Variants in PCDHGA2 observed in about 807,000 individuals in gnomAD.
PCDHGA2 encodes the protein protocadherin gamma subfamily A, 2, also known as protocadherin gamma-A2.
A neutral mutation model predicts 59.2 loss-of-function variants in PCDHGA2; 40 were observed. The observed-to-expected ratio is 0.68, with a 90% CI of 0.52 to 0.88. The LOEUF (loss-of-function observed/expected upper bound fraction) is 0.88, where lower values mean the gene tolerates loss of function less well. Ranked by LOEUF, PCDHGA2 falls within the 40% of genes least tolerant of loss-of-function variation. The pLI, the probability that PCDHGA2 is intolerant of heterozygous loss-of-function variation, is 0.00. For synonymous variants in PCDHGA2, 560 were observed against 526.0 expected (o/e 1.06, Z -0.89); for missense variants, 1,226 against 1,204.0 (o/e 1.02, Z -0.27).
chr5:141,497,614 A>G (rs1377740795), intron 2 of PCDHGA2, among the ~76,000 whole-genome samples: 1 of 146,530 alleles, frequency 6.8e-6, no homozygotes, highest in Admixed American at 7.0e-5. Context: ...ATCTTGGCTC[A>G]CTGCAACCTC....
chr5:141,352,225 G>C (rs1169707828), intron 1 of PCDHGA2: 1 of 1,614,064 alleles, frequency 6.2e-7, no homozygotes, highest in South Asian at 1.1e-5. Context: ...CCACCGCCAC[G>C]CTGCACCTAA....
intron 1 of PCDHGA2, chr5:141,428,402 G>T (rs899477196): frequency 1.7e-5 from 8 of 479,776 alleles, no homozygotes; most frequent in African/African-American, 1.4e-4. Flanking sequence ...TCTGCCTGGG[G>T]TTGCTTTCAC....
rs375516156 is a variant in PCDHGA2 at position 141,510,311 on chromosome 5, C to G, written c.2573-636C>G. Among the ~76,000 whole-genome samples, 70 of 151,056 alleles carry G rather than the reference C, an allele frequency of 4.6e-4. No homozygotes were observed. The South Asian group carries it at 0.014, about 31-fold the overall frequency. On this transcript the variant is annotated intron_variant, in intron 3 of 3. Transcript: ENST00000394576. The stretch of plus-strand genomic sequence containing the variant: ...AAAAAATGCTGTTTTGAAATGGAGG[C>G]TTGGAAGAGCACTCTTCACCCCCAC...
rs530139788 is a variant in PCDHGA2, at chr5:141,509,165, C to A, written c.2573-1782C>A. On this transcript the variant is annotated intron_variant, in intron 3 of 3. Coordinates refer to ENST00000394576, the MANE Select transcript of PCDHGA2 (RefSeq NM_018915.4). ...TCCCGGCTCTCCCCTCCCGTGTGCC[C>A]TCCTCCTCTTATGCCGGCTTGAAAA... Among the ~76,000 whole-genome samples the A allele has an allele frequency of 1.4e-4, 21 of 152,332 alleles. No individual in the cohort carries two copies. In the South Asian group the frequency reaches 4.1e-3, roughly 30 times the overall value.
chr5:141,479,329 G>A (rs2099493017), intron 1 of PCDHGA2: 1 of 152,490 alleles, frequency 6.6e-6, no homozygotes, highest in African/African-American at 2.4e-5. Context: ...AGACTCAGTG[G>A]TGTGCACCTG....
rs549557253 is a variant in PCDHGA2 at position 141,503,310 on chromosome 5, T to C, written c.2484-2083T>C. 2.6e-5 allele frequency among the ~76,000 whole-genome samples: 4 copies of C among 152,176 alleles called. No homozygotes were observed. The East Asian group carries it at 7.7e-4, about 29-fold the overall frequency. On this transcript the variant is annotated intron_variant, in intron 2 of 3. Coordinates refer to ENST00000394576, the MANE Select transcript of PCDHGA2 (RefSeq NM_018915.4). ...TACATAGAAATTGCTCAAGAAAGAA[T>C]TGTTGGAGGGGCGCGGTGGCTCACG...
chr5:141,448,426 T>C (rs892222815), intron 1 of PCDHGA2, among the ~76,000 whole-genome samples: 1 of 152,164 alleles, frequency 6.6e-6, no homozygotes, highest in Non-Finnish European at 1.5e-5. Context: ...ATACTATGTA[T>C]ATATTGAGAA....
At chr5:141,345,240 C>T (rs757266874) in intron 1 of PCDHGA2, 6 of 1,613,806 alleles carry the variant, frequency 3.7e-6, no homozygotes, top group African/African-American at 1.3e-5. Context: ...TCAATATTAC[C>T]GCTTAGTGAC....
In PCDHGA2 at chr5:141,491,158, GA is replaced by G; in HGVS notation, c.2425-3648del. On this transcript the variant is annotated intron_variant, in intron 1 of 3. Transcript: ENST00000394576. This position sits in a 1 kb window ranked among gnomAD's most constrained non-coding sequence, Gnocchi z 6.9. ...CCGGGCCTTACTGGAGGATGACTCT[GA>G]CACCCAGCAGGTGGTGGTCCTGGTG... 6.2e-7 allele frequency: 1 copy of G among 1,614,130 alleles called. No homozygotes were observed. The highest frequency in any genetic ancestry group is 8.5e-7 in the Non-Finnish European group (1 of 1,179,972).
At chr5:141,357,705 A>G (rs758183715) in intron 1 of PCDHGA2, 18 of 1,494,178 alleles carry the variant, frequency 1.2e-5, no homozygotes, top group Non-Finnish European at 1.6e-5. Flanking sequence ...TATGTAATAT[A>G]TCAAATAAAG....
At chr5:141,500,223 T>TTG (rs1227708024) in intron 2 of PCDHGA2, among the ~76,000 whole-genome samples, 1 of 145,320 alleles carries the variant, frequency 6.9e-6, no homozygotes, top group Non-Finnish European at 1.5e-5. Flanking sequence ...TTTATTTATT[T>TTG]ATTGATACGT....
At chr5:141,369,119 A>C (rs1265778026) in intron 1 of PCDHGA2, among the ~76,000 whole-genome samples, 2 of 152,206 alleles carry the variant, frequency 1.3e-5, no homozygotes, top group Non-Finnish European at 2.9e-5. Flanking sequence ...ACTGTAAGAC[A>C]CCTGTCAGAA....
chr5:141,405,141 A>T (rs749502643), intron 1 of PCDHGA2: 4 of 1,613,862 alleles, frequency 2.5e-6, no homozygotes, highest in African/African-American at 1.3e-5. Flanking sequence ...GCTACCAGTG[A>T]TGGGTTGGCT....
intron 1 of PCDHGA2, chr5:141,371,724 G>A (rs747047802): frequency 1.2e-6 from 2 of 1,614,056 alleles, no homozygotes; most frequent in South Asian, 2.2e-5. Flanking sequence ...GCACATCCTT[G>A]ATGTCAACGA....
intron 1 of PCDHGA2, among the ~76,000 whole-genome samples, chr5:141,435,604 A>T (rs1361568996): frequency 6.6e-6 from 1 of 152,180 alleles, no homozygotes. Flanking sequence ...CCTGCTTTTT[A>T]CATTAAATTC....
chr5:141,413,953 C>A, intron 1 of PCDHGA2: 1 of 1,613,310 alleles, frequency 6.2e-7, no homozygotes, highest in Non-Finnish European at 8.5e-7. Context: ...TGAGAATTTG[C>A]CTGTGGGCAC....
At chr5:141,455,984 G>A (rs1405675950) in intron 1 of PCDHGA2, among the ~76,000 whole-genome samples, 2 of 151,492 alleles carry the variant, frequency 1.3e-5, no homozygotes, top group East Asian at 1.9e-4. Context: ...TGCAAGCTCC[G>A]CCTCTCGGGT....
chr5:141,384,674 T>C (rs748841666), intron 1 of PCDHGA2: 9 of 1,614,038 alleles, frequency 5.6e-6, no homozygotes, highest in Non-Finnish European at 8.5e-7. Context: ...ACCAAGGTGG[T>C]GGCGGTGGAC....
At chr5:141,352,411 C>T (rs1254355246) in intron 1 of PCDHGA2, 1 of 1,614,030 alleles carries the variant, frequency 6.2e-7, no homozygotes, top group East Asian at 2.2e-5. Context: ...CCTCCAGCCT[C>T]GACACTGAGG....
Sources: gnomAD v4.1 joint callset for allele counts (sites outside exome capture counted in the v4.1 genomes callset) on GRCh38, gnomAD v4.1.1 for gene constraint, Gnocchi (gnomAD v3.1) non-coding constraint, MANE v1.5 for transcripts, NCBI Gene and HGNC (gene_info 2026-07-23, HGNC 2026-07-21) for gene names.